RAPGEF1: variants seen among roughly 807,000 people sequenced by gnomAD.
RAPGEF1 encodes Rap guanine nucleotide exchange factor 1, also known as CRK SH3-binding GNRP.
In RAPGEF1, 33 loss-of-function variants were observed where a neutral mutation model predicts 143.3. That is an observed-to-expected ratio of 0.23 (90% confidence interval 0.17 to 0.31). RAPGEF1 has a LOEUF of 0.31. RAPGEF1 is among the 10% of genes least tolerant of loss of function. The pLI is 1.00. For synonymous variants in RAPGEF1, 629 were observed against 676.5 expected, an observed-to-expected ratio of 0.93 and a Z score of 1.09; for missense variants, 1,199 against 1,645.4, an observed-to-expected ratio of 0.73 and a Z score of 4.69.
At chr9:131,615,096 G>A (rs1473388298) in intron 12 of RAPGEF1, among the ~76,000 whole-genome samples, 6 of 152,028 alleles carry the variant, frequency 3.9e-5, no homozygotes, top group South Asian at 2.1e-4. Flanking sequence ...TTTTTGAGAC[G>A]GAGTCTTGCT....
Position 131,578,711 on chromosome 9 carries a change from A to C in RAPGEF1, c.*786T>G, listed in dbSNP as rs1364920158. The C allele has an allele frequency of 2.0e-5, 3 of 152,330 alleles. No individual in the cohort carries two copies. The highest frequency in any genetic ancestry group is 7.2e-5 in the African/African-American group (3 of 41,446). The allele number at this position is 152,330 out of a possible 1,614,324, so 9.4% of individuals were successfully genotyped here. ...ATAAAAAGTATTTCTTGGATGATCA[A>C]GTCCTCCCTTACTCCAGCCTCCTCT... On this transcript the variant is annotated 3_prime_UTR_variant, in exon 27 of 27. Transcript: ENST00000683357.
intron 12 of RAPGEF1, among the ~76,000 whole-genome samples, chr9:131,614,421 TTC>T (rs543228770): frequency 6.6e-6 from 1 of 152,226 alleles, no homozygotes; most frequent in East Asian, 1.9e-4. Context: ...TCTTCTCTCC[TTC>T]TCTCTCTATC....
chr9:131,667,461 G>GTACCT lies in RAPGEF1; in HGVS notation c.62-16513_62-16512insAGGTA, dbSNP rs1830622820. On this transcript the variant is annotated intron_variant, in intron 1 of 26. Coordinates refer to ENST00000683357, the MANE Select transcript of RAPGEF1 (RefSeq NM_001377935.1). This position sits in a 1 kb window ranked among gnomAD's most constrained non-coding sequence, Gnocchi z 4.6. Reference sequence around the variant, plus strand: ...TTCCTCCTCCACAGTACCTGGTACAGGGACAGAGGTGGCTGGGTGATGGCC... The same window carrying GTACCT: ...TTCCTCCTCCACAGTACCTGGTACAGTACCTGGACAGAGGTGGCTGGGTGATGGCC... Among the ~76,000 whole-genome samples, 1 of 152,216 alleles carries GTACCT rather than the reference G, an allele frequency of 6.6e-6. No homozygotes were observed. The highest frequency in any genetic ancestry group is 1.5e-5 in the Non-Finnish European group (1 of 68,038).
chr9:131,699,839 C>T (rs1318744014), intron 1 of RAPGEF1, among the ~76,000 whole-genome samples: 2 of 152,194 alleles, frequency 1.3e-5, no homozygotes, highest in Non-Finnish European at 2.9e-5. Flanking sequence ...CTCTGACTTA[C>T]TTGCTGGTAT....
At position 131,668,675 on chromosome 9, in the gene RAPGEF1, T is replaced by A. The variant is rs182668337; in HGVS notation, c.62-17726A>T. On this transcript the variant is annotated intron_variant, in intron 1 of 26. Coordinates refer to ENST00000683357, the MANE Select transcript of RAPGEF1 (RefSeq NM_001377935.1). ...CTCCCAGGGAAGCGTTTCTTTTCCA[T>A]TACTGTTAGGCATTGATCTAGAGAT... 2.2e-3 allele frequency among the ~76,000 whole-genome samples: 332 copies of A among 152,318 alleles called. 2 individuals carry two copies. The highest frequency in any genetic ancestry group is 0.02 in the Admixed American group (306 of 15,302).
intron 12 of RAPGEF1, among the ~76,000 whole-genome samples, chr9:131,608,003 G>A (rs952750082): frequency 6.6e-6 from 1 of 152,214 alleles, no homozygotes; most frequent in Non-Finnish European, 1.5e-5. Context: ...TGCCTCTTCC[G>A]GGAGACGGCA....
intron 11 of RAPGEF1, among the ~76,000 whole-genome samples, chr9:131,620,790 C>G (rs543351506): frequency 7.9e-5 from 12 of 152,204 alleles, no homozygotes; most frequent in Admixed American, 2.0e-4. Flanking sequence ...ATTGATTATA[C>G]GGAGTAATCC....
chr9:131,711,052 C>CTTT (rs1197255514), intron 1 of RAPGEF1, among the ~76,000 whole-genome samples: 1 of 143,736 alleles, frequency 7.0e-6, no homozygotes. Context: ...GAATATTTAA[C>CTTT]TTTTTTTTTT....
Position 131,579,228 on chromosome 9 carries a change from A to G in RAPGEF1, c.*269T>C. The stretch of plus-strand genomic sequence containing the variant: ...GAGATGGAAGTAAAAGCAGAAAACA[A>G]AACCAAACCAGAAAACCACCGGTTT... On this transcript the variant is annotated 3_prime_UTR_variant, in exon 27 of 27. Transcript: ENST00000683357. 2.2e-6 allele frequency: 1 copy of G among 450,454 alleles called. No individual in the cohort carries two copies. The highest frequency in any genetic ancestry group is 2.8e-5 in the South Asian group (1 of 35,836). The allele number at this position is 450,454 out of a possible 1,614,324, so 27.9% of individuals were successfully genotyped here. A position where few individuals can be genotyped will look rare whatever the true frequency, so the allele number is the denominator to read the frequency against.
chr9:131,650,033 A>T lies in RAPGEF1; in HGVS notation c.315+96T>A. 1.0e-6 allele frequency: 1 copy of T among 962,258 alleles called. No homozygotes were observed. The highest frequency in any genetic ancestry group is 1.7e-5 in the South Asian group (1 of 60,474). The allele number at this position is 962,258 out of a possible 1,614,324, so 59.6% of individuals were successfully genotyped here. A position where few individuals can be genotyped will look rare whatever the true frequency, so the allele number is the denominator to read the frequency against. On this transcript the variant is annotated intron_variant, in intron 3 of 26. Coordinates refer to ENST00000683357, the MANE Select transcript of RAPGEF1 (RefSeq NM_001377935.1). This position sits in a 1 kb window ranked among gnomAD's most constrained non-coding sequence, Gnocchi z 4.7. ...GGTCACCACCCAGTTGAACATAATA[A>T]TAGTGCAATAGAGTTTTTTCCATCC...
chr9:131,591,786 T>C (rs976479145), intron 18 of RAPGEF1, among the ~76,000 whole-genome samples: 15 of 152,354 alleles, frequency 9.8e-5, no homozygotes, highest in African/African-American at 3.1e-4. Flanking sequence ...GTCTGGGGCA[T>C]GTCTAATTCG....
chr9:131,732,333 T>C (rs1837129764), intron 1 of RAPGEF1, among the ~76,000 whole-genome samples: 1 of 152,162 alleles, frequency 6.6e-6, no homozygotes, highest in African/African-American at 2.4e-5. Flanking sequence ...AGGCCTTGGT[T>C]TGTAAACACA....
chr9:131,591,485 G>A (rs1301988112), intron 18 of RAPGEF1, among the ~76,000 whole-genome samples: 1 of 152,236 alleles, frequency 6.6e-6, no homozygotes, highest in African/African-American at 2.4e-5. Context: ...GGTCACACAA[G>A]TGGGTCCTTC....
chr9:131,629,031 C>T (rs535802280), intron 7 of RAPGEF1, 71 bp downstream of exon 7: 295 of 1,550,624 alleles, frequency 1.9e-4, no homozygotes, highest in Non-Finnish European at 2.4e-4. Flanking sequence ...GGAAAGGGCC[C>T]GAGCCCTGTC....
chr9:131,587,654 G>T (rs1244261790), intron 22 of RAPGEF1, 82 bp downstream of exon 22: 2 of 1,295,064 alleles, frequency 1.5e-6, no homozygotes, highest in African/African-American at 1.5e-5. Context: ...TACCATTCAA[G>T]CTCCCTGCAA....
chr9:131,696,307 C>T (rs918000004), intron 1 of RAPGEF1, among the ~76,000 whole-genome samples: 32 of 152,184 alleles, frequency 2.1e-4, no homozygotes, highest in African/African-American at 6.8e-4. Flanking sequence ...ACAGTCTGCT[C>T]ATGTAGACAA....
intron 1 of RAPGEF1, among the ~76,000 whole-genome samples, chr9:131,685,680 T>C (rs1833286299): frequency 6.6e-6 from 1 of 152,214 alleles, no homozygotes; most frequent in African/African-American, 2.4e-5. Context: ...TAAATCTCTG[T>C]TCAGGGCTCT....
chr9:131,594,390 G>T (rs749321059), intron 17 of RAPGEF1, among the ~76,000 whole-genome samples: 1 of 152,238 alleles, frequency 6.6e-6, no homozygotes, highest in Non-Finnish European at 1.5e-5. Flanking sequence ...TCTAAGCTGA[G>T]GCCTGAGGCC....
Position 131,604,970 on chromosome 9 carries a change from A to G in RAPGEF1, c.2280T>C (p.Asn760=), listed in dbSNP as rs767656181. Residue 760 remains asparagine, a synonymous_variant, in exon 13 of 27, where the codon AAT becomes AAC. Coordinates refer to ENST00000683357, the MANE Select transcript of RAPGEF1 (RefSeq NM_001377935.1). ...AGGTTTCGGAAGGAAGGCAGACAGT[A>G]TTCCCATGAAAGCTGCTCTCCTGAG... The part of the protein sequence containing the change: ...SASQESSFHG[N]TVCLPSETSF... 32 of 1,322,206 alleles carry G rather than the reference A, an allele frequency of 2.4e-5. No homozygotes were observed. Among genetic ancestry groups the G allele is most frequent in the Non-Finnish European group, 3.0e-5 (30 of 999,382 alleles). The allele number at this position is 1,322,206 out of a possible 1,614,324, so 81.9% of individuals were successfully genotyped here. A position where few individuals can be genotyped will look rare whatever the true frequency, so the allele number is the denominator to read the frequency against.
Sources: allele counts gnomAD v4.1 joint callset (sites outside exome capture counted in the v4.1 genomes callset), GRCh38; gene constraint gnomAD v4.1.1; non-coding constraint Gnocchi (gnomAD v3.1); transcripts MANE v1.5; gene names NCBI Gene and HGNC (gene_info 2026-07-23, HGNC 2026-07-21).